The following PLEKHA1 variants were observed in gnomAD, a reference collection of about 807,000 sequenced individuals.
PLEKHA1 encodes the protein pleckstrin homology domain containing A1, also known as pleckstrin homology domain-containing family A member 1.
Under a neutral mutation model 52.0 loss-of-function variants are expected in PLEKHA1, and 34 were observed. That is an observed-to-expected ratio of 0.65 (90% CI 0.50 to 0.87). The LOEUF (loss-of-function observed/expected upper bound fraction) is 0.87, where lower values mean the gene tolerates loss of function less well. PLEKHA1 is among the 40% of genes least tolerant of loss of function. The probability of loss-of-function intolerance (pLI) is 0.00; values close to 1 mark genes in which losing one functional copy is unlikely to be tolerated. For synonymous variants in PLEKHA1, 163 were observed against 170.7 expected (o/e 0.95, Z 0.35); for missense variants, 497 against 504.2 (o/e 0.99, Z 0.14).
intron 1 of PLEKHA1, among the ~76,000 whole-genome samples, chr10:122,390,111 A>G (rs1473599150): frequency 2.0e-5 from 3 of 152,206 alleles, no homozygotes; most frequent in Non-Finnish European, 4.4e-5. Context: ...TGTTATAGAG[A>G]TGGCTTCTTT....
At chr10:122,381,330 A>G (rs2096611555) in intron 1 of PLEKHA1, among the ~76,000 whole-genome samples, 1 of 152,192 alleles carries the variant, frequency 6.6e-6, no homozygotes, top group South Asian at 2.1e-4. Flanking sequence ...GGGGTAGGAT[A>G]TGGTTTGGAT....
At chr10:122,412,615 T>C in intron 5 of PLEKHA1, 1 of 287,478 alleles carries the variant, frequency 3.5e-6, no homozygotes. Context: ...CCCCTGAGCC[T>C]ATTTCCTTAC....
chr10:122,437,255 A>G (rs2097441908), downstream of PLEKHA1: 1 of 152,044 alleles, frequency 6.6e-6, no homozygotes, highest in Non-Finnish European at 1.5e-5. Context: ...ATGGCAAGTG[A>G]AAGGAAGTGA....
chr10:122,395,605 G>A (rs2096839791), intron 2 of PLEKHA1, among the ~76,000 whole-genome samples: 1 of 147,840 alleles, frequency 6.8e-6, no homozygotes, highest in East Asian at 1.9e-4. Context: ...AAATGGCAAT[G>A]TCATATGGTT....
At chr10:122,378,726 G>A (rs1165074686) in intron 1 of PLEKHA1, among the ~76,000 whole-genome samples, 1 of 142,748 alleles carries the variant, frequency 7.0e-6, no homozygotes, top group Non-Finnish European at 1.5e-5. Flanking sequence ...ACAGGAGAGT[G>A]AGACCCTGTC....
intron 1 of PLEKHA1, among the ~76,000 whole-genome samples, chr10:122,379,631 C>A (rs1193563580): frequency 6.6e-6 from 1 of 152,232 alleles, no homozygotes; most frequent in Non-Finnish European, 1.5e-5. Flanking sequence ...ACTGCTCTTG[C>A]AGAGTGGAAG....
At chr10:122,376,439 T>C (rs913801952) in intron 1 of PLEKHA1, among the ~76,000 whole-genome samples, 1 of 150,932 alleles carries the variant, frequency 6.6e-6, no homozygotes, top group African/African-American at 2.4e-5. Flanking sequence ...CTACTGACAG[T>C]TTTCTCTTGT....
chr10:122,402,992 A>G (rs1295957583), intron 4 of PLEKHA1, among the ~76,000 whole-genome samples: 1 of 152,226 alleles, frequency 6.6e-6, no homozygotes, highest in African/African-American at 2.4e-5. Context: ...AGAGCTTGCC[A>G]TAGTTGACTA....
At chr10:122,412,833 C>T (rs770222515) in intron 5 of PLEKHA1, 87 bp from the exon 6 acceptor site, 12 of 1,447,564 alleles carry the variant, frequency 8.3e-6, no homozygotes, top group South Asian at 1.2e-5. Context: ...CGTATGCAAA[C>T]GGATGAATAA....
chr10:122,397,965 C>T lies in PLEKHA1; in HGVS notation c.189C>T (p.Tyr63=). ...SSRVGAIKLT[Y]ISKVSDATKL... is the part of the protein sequence containing the mutation. Reference sequence around the variant, plus strand: ...GTGTTGGAGCCATTAAGCTTACCTACATTTCAAAGGTAGTCTTTATACATT... The same window carrying T: ...GTGTTGGAGCCATTAAGCTTACCTATATTTCAAAGGTAGTCTTTATACATT... Residue 63 remains tyrosine (Y), a synonymous_variant, in exon 3 of 12, where the codon TAC becomes TAT. Transcript: ENST00000368990. 1 of 1,608,390 alleles carries T rather than the reference C, an allele frequency of 6.2e-7. No homozygotes were observed. Among genetic ancestry groups the T allele is most frequent in the South Asian group, 1.1e-5 (1 of 90,584 alleles).
At chr10:122,409,289 G>T (rs1408817864) in intron 5 of PLEKHA1, among the ~76,000 whole-genome samples, 4 of 152,152 alleles carry the variant, frequency 2.6e-5, no homozygotes, top group Non-Finnish European at 5.9e-5. Flanking sequence ...TTGAACCATT[G>T]TAAGTCCTGG....
Position 122,431,881 on chromosome 10 carries a change from A to G in PLEKHA1, c.*1943A>G, listed in dbSNP as rs927184679. On this transcript the variant is annotated 3_prime_UTR_variant, in exon 12 of 12. Coordinates refer to ENST00000368990, the MANE Select transcript of PLEKHA1 (RefSeq NM_001001974.4). ...CATGAACACACCCGAGAAATCTTAAATAGACACTTTGCAATATTTAAGAAC... is the reference window on the plus strand; with the variant it reads ...CATGAACACACCCGAGAAATCTTAAGTAGACACTTTGCAATATTTAAGAAC... The G allele has an allele frequency of 2.6e-5, 4 of 152,304 alleles. No homozygotes were observed. In the East Asian group the frequency reaches 5.8e-4, roughly 22 times the overall value. 9.4% of individuals were successfully genotyped at this position (152,304 alleles called of 1,614,324 possible).
downstream of PLEKHA1, chr10:122,434,545 A>G (rs2097431123): frequency 6.6e-6 from 1 of 150,864 alleles, no homozygotes; most frequent in Non-Finnish European, 1.5e-5. Flanking sequence ...ATTATTATTA[A>G]CTGATGCAAC....
At chr10:122,398,720 G>A (rs956391995) in intron 3 of PLEKHA1, among the ~76,000 whole-genome samples, 1 of 151,900 alleles carries the variant, frequency 6.6e-6, no homozygotes, top group African/African-American at 2.4e-5. Flanking sequence ...GTACTGTTAT[G>A]CATATACTGA....
Position 122,428,536 on chromosome 10 carries a change from AACAT to A in PLEKHA1, c.901-1084_901-1081del, listed in dbSNP as rs2097372721. 8 of 952,296 alleles carry A rather than the reference AACAT, an allele frequency of 8.4e-6. 1 individual carries two copies. The South Asian group carries it at 1.6e-4, about 19-fold the overall frequency. The allele number at this position is 952,296 out of a possible 1,614,324, so 59.0% of individuals were successfully genotyped here. On this transcript the variant is annotated intron_variant, in intron 11 of 11. Transcript: ENST00000368990. Reference sequence around the variant, plus strand: ...ATGTGTATTTAAAAATAAAAAATAAAACATACAACTTTACTAACAGAAAGAGACA... The same window carrying A: ...ATGTGTATTTAAAAATAAAAAATAAAACAACTTTACTAACAGAAAGAGACA...
chr10:122,418,003 T>C lies in PLEKHA1; in HGVS notation c.681+35T>C, dbSNP rs553224946. 989 of 1,537,870 alleles carry C rather than the reference T, an allele frequency of 6.4e-4. 17 individuals are homozygous for C. The South Asian group carries it at 0.01, about 16-fold the overall frequency. On this transcript the variant is annotated intron_variant, in intron 8 of 11. Coordinates refer to ENST00000368990, the MANE Select transcript of PLEKHA1 (RefSeq NM_001001974.4). ...TACGTCATAAATGTTGCTATAAGAA[T>C]GTTTGAAAAGTGTTGCAATGTAGTG...
intron 1 of PLEKHA1, among the ~76,000 whole-genome samples, chr10:122,375,548 G>A (rs2096520145): frequency 1.3e-5 from 2 of 152,240 alleles, no homozygotes; most frequent in Admixed American, 1.3e-4. Context: ...GGGCCGTCTT[G>A]AGTGGTTTGT....
In PLEKHA1 at chr10:122,417,328, T is replaced by A. The variant is rs1173432001; in HGVS notation, c.613-572T>A. Among the ~76,000 whole-genome samples, 170 of 142,128 alleles carry A rather than the reference T, an allele frequency of 1.2e-3. 1 individual carries two copies. Among genetic ancestry groups the A allele is most frequent in the Admixed American group, 9.1e-4 (13 of 14,236 alleles). 93.2% of individuals were successfully genotyped at this position (142,128 alleles called of 152,430 possible). ...GAGTAGGAGGAAGGGGAAGTGCTTT[T>A]AAAAAAAAAAAAAGTTTCAACATTA... On this transcript the variant is annotated intron_variant, in intron 7 of 11. Coordinates refer to ENST00000368990, the MANE Select transcript of PLEKHA1 (RefSeq NM_001001974.4).
At chr10:122,375,648 G>A (rs1428262362) in intron 1 of PLEKHA1, among the ~76,000 whole-genome samples, 6 of 152,190 alleles carry the variant, frequency 3.9e-5, no homozygotes, top group Non-Finnish European at 8.8e-5. Flanking sequence ...AGTGTTTACC[G>A]CCTTTGGTAG....
Sources: allele counts gnomAD v4.1 joint callset (sites outside exome capture counted in the v4.1 genomes callset), GRCh38; gene constraint gnomAD v4.1.1; transcripts MANE v1.5; gene names NCBI Gene and HGNC (gene_info 2026-07-23, HGNC 2026-07-21).